The following ANK3 variants were observed in gnomAD, a reference collection of about 807,000 sequenced individuals.
ANK3 encodes ankyrin 3.
ANK3 carries 57 observed loss-of-function variants against 370.9 expected under a neutral mutation model. The ratio of observed to expected loss-of-function variants is 0.15; its 90% CI spans 0.12 to 0.19. The LOEUF (loss-of-function observed/expected upper bound fraction) is 0.19, where lower values mean the gene tolerates loss of function less well. Ranked by LOEUF, ANK3 falls within the 10% of genes least tolerant of loss-of-function variation. The probability of loss-of-function intolerance (pLI) is 1.00; values close to 1 mark genes in which losing one functional copy is unlikely to be tolerated. For missense variants in ANK3, 4,439 were observed against 5,302.1 expected (o/e 0.84, Z 5.06); for synonymous variants, 1,929 against 1,946.3 (o/e 0.99, Z 0.23).
At chr10:60,500,481 G>T (rs1258640749) in intron 2 of ANK3, among the ~76,000 whole-genome samples, 1 of 152,192 alleles carries the variant, frequency 6.6e-6, no homozygotes, top group African/African-American at 2.4e-5. Flanking sequence ...GAGGTGGGTG[G>T]AGGAGGGCTG....
In ANK3 at chr10:60,411,216, C is replaced by G. The variant is rs925920300; in HGVS notation, c.97-131577G>C. Among the ~76,000 whole-genome samples the G allele has an allele frequency of 7.9e-5, 12 of 152,182 alleles. 1 individual carries two copies. The highest frequency in any genetic ancestry group is 2.9e-4 in the African/African-American group (12 of 41,450). The stretch of plus-strand genomic sequence containing the variant: ...TGTTTGTTTTAGCAGTTAGGTTACA[C>G]TGACTCACAGAATTAGGAAGAGGAG... On this transcript the variant is annotated intron_variant, in intron 2 of 43. Coordinates refer to the ANK3 transcript ENST00000373827.
intron 1 of ANK3, among the ~76,000 whole-genome samples, chr10:60,693,848 T>C (rs1173368307): frequency 6.6e-6 from 1 of 152,062 alleles, no homozygotes; most frequent in Non-Finnish European, 1.5e-5. Flanking sequence ...GCACCTCTCC[T>C]CCTCCAAAGG....
intron 32 of ANK3, 72 bp downstream of exon 32, chr10:60,084,515 TTTATAGTGAGTGCTA>T (rs763835502): frequency 7.8e-6 from 8 of 1,022,042 alleles, no homozygotes; most frequent in Middle Eastern, 2.2e-4. Context: ...CACTTGGTAT[TTTATAGTGAGTGCTA>T]TTAAGACCAC....
chr10:60,325,438 C>A (rs932588327), intron 1 of ANK3, among the ~76,000 whole-genome samples: 1 of 152,340 alleles, frequency 6.6e-6, no homozygotes, highest in African/African-American at 2.4e-5. Context: ...AGACCACCCC[C>A]CTGCCCCTCC....
At chr10:60,377,017 C>T (rs527726380) in intron 1 of ANK3, among the ~76,000 whole-genome samples, 8 of 152,182 alleles carry the variant, frequency 5.3e-5, no homozygotes, top group East Asian at 1.9e-4. Flanking sequence ...AAATTAATTA[C>T]GGGCAGCACT....
In ANK3 at chr10:60,074,565, C is replaced by G. The variant is rs898469810; in HGVS notation, c.6316G>C (p.Asp2106His). ...TCATCAGGAGACTCTAAAATAGTATCTGTTCCAAAAAAGGAATCAGCCATT... is the reference window on the plus strand; with the variant it reads ...TCATCAGGAGACTCTAAAATAGTATGTGTTCCAAAAAAGGAATCAGCCATT... Reference protein sequence around the residue: ...CKMADSFFGTDTILESPDDFS... With the variant: ...CKMADSFFGTHTILESPDDFS... The change falls in exon 37 of 44, where the codon GAT (aspartate) becomes CAT (histidine). Residue 2106 changes from aspartate (D) to histidine (H), a missense_variant. Transcript: ENST00000280772. The G allele has an allele frequency of 6.2e-7, 1 of 1,613,940 alleles. No individual in the cohort carries two copies. The highest frequency in any genetic ancestry group is 1.7e-5 in the Admixed American group (1 of 59,982).
At chr10:60,644,475 G>GT (rs1440883982) in intron 1 of ANK3, among the ~76,000 whole-genome samples, 4 of 151,728 alleles carry the variant, frequency 2.6e-5, no homozygotes, top group Admixed American at 1.3e-4. Flanking sequence ...AAACCACTAC[G>GT]TTTTAAATTA....
At chr10:60,511,019 A>T (rs909500260) in intron 2 of ANK3, among the ~76,000 whole-genome samples, 3 of 151,916 alleles carry the variant, frequency 2.0e-5, no homozygotes, top group African/African-American at 7.3e-5. Flanking sequence ...GTGAGAAAAC[A>T]TTTTTTTAAG....
chr10:60,424,555 A>G (rs1232967065), intron 2 of ANK3, among the ~76,000 whole-genome samples: 1 of 152,040 alleles, frequency 6.6e-6, no homozygotes, highest in African/African-American at 2.4e-5. Context: ...TGGGTTCAGG[A>G]AATAAGAAAA....
At chr10:60,525,176 G>A (rs1022311652) in intron 2 of ANK3, among the ~76,000 whole-genome samples, 5 of 151,942 alleles carry the variant, frequency 3.3e-5, no homozygotes, top group East Asian at 1.9e-4. Context: ...AAACAGAAGC[G>A]TCTCATTTTG....
At chr10:60,458,881 A>T (rs1425584328) in intron 2 of ANK3, among the ~76,000 whole-genome samples, 1 of 152,130 alleles carries the variant, frequency 6.6e-6, no homozygotes, top group Non-Finnish European at 1.5e-5. Flanking sequence ...CGCTATTCAG[A>T]CCTAAAACAT....
intron 1 of ANK3, among the ~76,000 whole-genome samples, chr10:60,290,538 A>C (rs1044697749): frequency 1.3e-5 from 2 of 152,346 alleles, no homozygotes; most frequent in South Asian, 2.1e-4. Context: ...AAGGTGGTCT[A>C]TATTAGTAAT....
chr10:60,300,925 A>G (rs2043560257), intron 1 of ANK3, among the ~76,000 whole-genome samples: 2 of 151,968 alleles, frequency 1.3e-5, no homozygotes, highest in African/African-American at 4.8e-5. Context: ...CTACAGTTAT[A>G]TACACACTCA....
intron 1 of ANK3, among the ~76,000 whole-genome samples, chr10:60,286,535 G>T (rs2040067655): frequency 1.3e-5 from 2 of 152,160 alleles, no homozygotes; most frequent in African/African-American, 4.8e-5. Flanking sequence ...CTCTATGAAA[G>T]ATACTGTCAT....
At chr10:60,224,215 T>C (rs1484287792) in intron 8 of ANK3, among the ~76,000 whole-genome samples, 1 of 152,040 alleles carries the variant, frequency 6.6e-6, no homozygotes, top group Non-Finnish European at 1.5e-5. Flanking sequence ...GGAAGGGAAA[T>C]GAAATTGCAT....
At chr10:60,253,656 G>A (rs2097697872) in intron 7 of ANK3, among the ~76,000 whole-genome samples, 1 of 152,056 alleles carries the variant, frequency 6.6e-6, no homozygotes, top group African/African-American at 2.4e-5. Context: ...ATATCACCAT[G>A]GCAACAAGAA....
At chr10:60,598,582 A>ATTT (rs2078019316) in intron 2 of ANK3, among the ~76,000 whole-genome samples, 1 of 152,348 alleles carries the variant, frequency 6.6e-6, no homozygotes, top group East Asian at 1.9e-4. Flanking sequence ...TATAAGTCAA[A>ATTT]ATGTCAAAAT....
chr10:60,428,865 G>C (rs899198197), intron 2 of ANK3, among the ~76,000 whole-genome samples: 80 of 152,300 alleles, frequency 5.3e-4, no homozygotes, highest in African/African-American at 1.9e-3. Context: ...GTAGGAGAAA[G>C]ACATGTCTTA....
chr10:60,246,521 A>C (rs2097558821), intron 7 of ANK3, among the ~76,000 whole-genome samples: 1 of 152,176 alleles, frequency 6.6e-6, no homozygotes, highest in Non-Finnish European at 1.5e-5. Flanking sequence ...ACATTTCCTT[A>C]ACCTCACTGC....
Sources: gnomAD v4.1 joint callset for allele counts (sites outside exome capture counted in the v4.1 genomes callset) on GRCh38, gnomAD v4.1.1 for gene constraint, MANE v1.5 for transcripts, NCBI Gene and HGNC (gene_info 2026-07-23, HGNC 2026-07-21) for gene names.